Variants in TJP1 observed in about 807,000 individuals in gnomAD.
The protein encoded by TJP1 is tight junction protein 1.
A neutral mutation model predicts 194.2 loss-of-function variants in TJP1; 43 were observed. The observed-to-expected ratio is 0.22, with a 90% CI of 0.17 to 0.29. The LOEUF (loss-of-function observed/expected upper bound fraction) is 0.29. Ranked by LOEUF, TJP1 falls within the 10% of genes least tolerant of loss-of-function variation. The pLI is 1.00. For synonymous variants in TJP1, 801 were observed against 779.0 expected, an observed-to-expected ratio of 1.03 and a Z score of -0.47; for missense variants, 1,971 against 2,185.7, an observed-to-expected ratio of 0.90 and a Z score of 1.96.
At chr15:29,754,311 A>C (rs1490735452) in intron 8 of TJP1, among the ~76,000 whole-genome samples, 1 of 152,166 alleles carries the variant, frequency 6.6e-6, no homozygotes, top group Admixed American at 6.5e-5. Context: ...TGTAAGTGGG[A>C]GCTAAATGGT....
intron 2 of TJP1, among the ~76,000 whole-genome samples, chr15:29,904,797 C>T (rs1053323797): frequency 6.6e-6 from 1 of 152,190 alleles, no homozygotes; most frequent in African/African-American, 2.4e-5. Context: ...GATGGGATTA[C>T]AGTAGACCCT....
chr15:29,900,222 C>T (rs567978519), intron 2 of TJP1, among the ~76,000 whole-genome samples: 19 of 152,058 alleles, frequency 1.2e-4, no homozygotes, highest in African/African-American at 4.6e-4. Context: ...GTGAACACAG[C>T]CAGGGTGGCT....
intron 15 of TJP1, among the ~76,000 whole-genome samples, chr15:29,731,319 T>C (rs571194232): frequency 6.6e-6 from 1 of 152,274 alleles, no homozygotes; most frequent in African/African-American, 2.4e-5. Context: ...AACAAATTTG[T>C]TTTTATGTCC....
rs115521432 is a variant in TJP1, at chr15:29,898,070, G to A, written c.306+58162C>T. On this transcript the variant is annotated intron_variant, in intron 2 of 28. Transcript: ENST00000356107. ...ATGAGATTTGAGAGGGGCCAGGAGC[G>A]GAATGATATGGTTTGGCTGTGTTCC... Among the ~76,000 whole-genome samples, 228 of 152,230 alleles carry A rather than the reference G, an allele frequency of 1.5e-3. 3 individuals carry two copies. Among genetic ancestry groups the A allele is most frequent in the African/African-American group, 5.2e-3 (218 of 41,534 alleles).
At chr15:29,885,581 C>T (rs1409162192) in intron 2 of TJP1, among the ~76,000 whole-genome samples, 1 of 152,226 alleles carries the variant, frequency 6.6e-6, no homozygotes, top group Non-Finnish European at 1.5e-5. Flanking sequence ...AACAAAGACA[C>T]TAAAACCTGA....
rs1223859471 is a variant in TJP1, at chr15:29,822,385, C to T, written c.-357G>A. Reference sequence around the variant, plus strand: ...CCGGCGTCTCCTCGGAAGCCGGCTTCGCCACGTAACTTCCCGGGAACCGGC... The same window carrying T: ...CCGGCGTCTCCTCGGAAGCCGGCTTTGCCACGTAACTTCCCGGGAACCGGC... On this transcript the variant is annotated 5_prime_UTR_variant, in exon 1 of 28. Transcript: ENST00000614355. 3.9e-6 allele frequency: 4 copies of T among 1,013,440 alleles called. No homozygotes were observed. The East Asian group carries it at 2.6e-4, about 66-fold the overall frequency. The allele number at this position is 1,013,440 out of a possible 1,614,324, so 62.8% of individuals were successfully genotyped here. A position where few individuals can be genotyped will look rare whatever the true frequency, so the allele number is the denominator to read the frequency against.
At chr15:29,736,323 G>A (rs530621161) in intron 11 of TJP1, among the ~76,000 whole-genome samples, 1 of 152,294 alleles carries the variant, frequency 6.6e-6, no homozygotes, top group African/African-American at 2.4e-5. Flanking sequence ...GACAGTGGAA[G>A]ATAGATGAAG....
At chr15:29,910,402 G>A (rs535264627) in intron 2 of TJP1, among the ~76,000 whole-genome samples, 1 of 152,160 alleles carries the variant, frequency 6.6e-6, no homozygotes, top group East Asian at 1.9e-4. Flanking sequence ...TTAGCCTATC[G>A]CTAGGAAGTC....
chr15:29,932,509 C>T (rs76672034), intron 2 of TJP1, among the ~76,000 whole-genome samples: 2,229 of 151,728 alleles, frequency 0.015, 55 homozygotes, highest in African/African-American at 0.051. Flanking sequence ...ATGTAAAAAG[C>T]AAACTTTAAA....
chr15:29,703,443 A>G (rs191265302), intron 27 of TJP1, among the ~76,000 whole-genome samples: 1 of 152,036 alleles, frequency 6.6e-6, no homozygotes, highest in Non-Finnish European at 1.5e-5. Flanking sequence ...ACCTCAAAAA[A>G]CCAAATCAAA....
Position 29,742,630 on chromosome 15 carries a change from C to T in TJP1, c.1150+12G>A, listed in dbSNP as rs200643411. Reference sequence around the variant, plus strand: ...CAAATGTTTCTTGAACTTAGTGTTTCGTTATGCTTACCTGGAAGAGAAGGT... The same window carrying T: ...CAAATGTTTCTTGAACTTAGTGTTTTGTTATGCTTACCTGGAAGAGAAGGT... On this transcript the variant is annotated intron_variant, in intron 9 of 27. Transcript: ENST00000614355. 3.5e-4 allele frequency: 540 copies of T among 1,556,288 alleles called. 5 individuals are homozygous for T. The South Asian group carries it at 5.2e-3, about 15-fold the overall frequency.
intron 1 of TJP1, among the ~76,000 whole-genome samples, chr15:29,802,765 T>C (rs1378233500): frequency 6.6e-5 from 10 of 152,218 alleles, no homozygotes; most frequent in African/African-American, 2.2e-4. Context: ...ACTGCTTGCA[T>C]AGCTCTCAGT....
Position 29,810,705 on chromosome 15 carries a change from C to G in TJP1, c.28-10003G>C, listed in dbSNP as rs1361026479. On this transcript the variant is annotated intron_variant, in intron 1 of 27. Transcript: ENST00000614355. ...AAAGGGGTACACAGAGTTTAAAGCACAGAGTTTTGACCTAGTTTCTGGGCT... is the reference window on the plus strand; with the variant it reads ...AAAGGGGTACACAGAGTTTAAAGCAGAGAGTTTTGACCTAGTTTCTGGGCT... Among the ~76,000 whole-genome samples, 5 of 152,264 alleles carry G rather than the reference C, an allele frequency of 3.3e-5. No individual in the cohort carries two copies. The East Asian group carries it at 9.6e-4, about 29-fold the overall frequency.
intron 2 of TJP1, among the ~76,000 whole-genome samples, chr15:29,920,624 A>T (rs2054326550): frequency 1.3e-5 from 2 of 152,096 alleles, no homozygotes. Context: ...TTGTTCTAAG[A>T]GCAGAGGAGC....
At chr15:29,864,423 G>C (rs1190529754) in intron 2 of TJP1, among the ~76,000 whole-genome samples, 1 of 151,992 alleles carries the variant, frequency 6.6e-6, no homozygotes, top group Non-Finnish European at 1.5e-5. Flanking sequence ...TAAGTTCCTA[G>C]AGGGTGGGGA....
chr15:29,747,790 C>A (rs2044906772), intron 8 of TJP1, among the ~76,000 whole-genome samples: 1 of 152,226 alleles, frequency 6.6e-6, no homozygotes, highest in Non-Finnish European at 1.5e-5. Context: ...TCGTCATTGG[C>A]TATACATGTA....
intron 2 of TJP1, among the ~76,000 whole-genome samples, chr15:29,828,187 A>C (rs2050731993): frequency 6.6e-6 from 1 of 152,168 alleles, no homozygotes; most frequent in Non-Finnish European, 1.5e-5. Flanking sequence ...GAATATATGA[A>C]TATAAGAATG....
chr15:29,762,134 T>C (rs959284165), intron 6 of TJP1, among the ~76,000 whole-genome samples: 1 of 152,194 alleles, frequency 6.6e-6, no homozygotes, highest in Non-Finnish European at 1.5e-5. Flanking sequence ...TGTGAATAAT[T>C]ATCTCAGGAT....
intron 1 of TJP1, among the ~76,000 whole-genome samples, chr15:29,818,881 G>C (rs559040734): frequency 5.9e-5 from 9 of 151,952 alleles, no homozygotes; most frequent in African/African-American, 2.2e-4. Context: ...CAGTGGCCCC[G>C]ATCTCAGCTC....
Sources: allele counts gnomAD v4.1 joint callset (sites outside exome capture counted in the v4.1 genomes callset), GRCh38; gene constraint gnomAD v4.1.1; transcripts MANE v1.5; gene names NCBI Gene and HGNC (gene_info 2026-07-23, HGNC 2026-07-21).